The following SEPTIN7 variants were observed in gnomAD, a reference collection of about 807,000 sequenced individuals.
The protein encoded by SEPTIN7 is septin-7.
SEPTIN7 carries 10 observed loss-of-function variants against 63.3 expected under a neutral mutation model. The observed-to-expected ratio is 0.16, with a 90% CI of 0.10 to 0.27. The LOEUF is 0.27. Ranked by LOEUF, SEPTIN7 falls within the 10% of genes least tolerant of loss-of-function variation. The probability of loss-of-function intolerance (pLI) is 1.00; values close to 1 mark genes in which losing one functional copy is unlikely to be tolerated. For synonymous variants in SEPTIN7, 131 were observed against 165.3 expected, an observed-to-expected ratio of 0.79 and a Z score of 1.59; for missense variants, 310 against 521.0, an observed-to-expected ratio of 0.59 and a Z score of 3.94.
chr7:35,893,818 TA>T (rs1406350227), intron 11 of SEPTIN7, among the ~76,000 whole-genome samples: 2 of 152,184 alleles, frequency 1.3e-5, no homozygotes, highest in African/African-American at 4.8e-5. Context: ...TTGTGTGGTT[TA>T]AATCTGAAGA....
intron 3 of SEPTIN7, among the ~76,000 whole-genome samples, chr7:35,855,501 C>G (rs191827913): frequency 2.8e-4 from 42 of 152,154 alleles, no homozygotes; most frequent in African/African-American, 9.6e-4. Flanking sequence ...CAAGAACCAC[C>G]CCTGATGGTT....
intron 12 of SEPTIN7, 90 bp from the exon 13 acceptor site, chr7:35,902,986 T>C: frequency 7.0e-7 from 1 of 1,436,906 alleles, no homozygotes; most frequent in Non-Finnish European, 9.2e-7. Flanking sequence ...ATAGTGCTCA[T>C]ACTCCTTATC....
At position 35,890,804 on chromosome 7, in the gene SEPTIN7, A is replaced by AT. The variant is rs1787589077; in HGVS notation, c.998+18dup. On this transcript the variant is annotated intron_variant, in intron 11 of 13. Coordinates refer to ENST00000350320, the MANE Select transcript of SEPTIN7 (RefSeq NM_001788.6). ...AGGGCAGCTGACTAAGTAAGTATATATTTTTTTCTCCAAAAAGGTATTATT... is the reference window on the plus strand; with the variant it reads ...AGGGCAGCTGACTAAGTAAGTATATATTTTTTTTCTCCAAAAAGGTATTATT... 5 of 1,519,612 alleles carry AT rather than the reference A, an allele frequency of 3.3e-6. No homozygotes were observed. The highest frequency in any genetic ancestry group is 2.6e-5 in the South Asian group (2 of 77,740). The allele number at this position is 1,519,612 out of a possible 1,614,324, so 94.1% of individuals were successfully genotyped here.
intron 1 of SEPTIN7, among the ~76,000 whole-genome samples, chr7:35,824,556 C>T (rs1399954544): frequency 6.6e-6 from 1 of 152,178 alleles, no homozygotes; most frequent in Non-Finnish European, 1.5e-5. Flanking sequence ...ACATTGTCTT[C>T]CCAAAGTCCA....
intron 1 of SEPTIN7, among the ~76,000 whole-genome samples, chr7:35,813,422 T>C (rs563189220): frequency 6.6e-6 from 1 of 152,138 alleles, no homozygotes; most frequent in African/African-American, 2.4e-5. Flanking sequence ...TGGCATGATC[T>C]CAGCTCACTG....
chr7:35,831,863 C>T, intron 2 of SEPTIN7: 1 of 288,956 alleles, frequency 3.5e-6, no homozygotes, highest in Non-Finnish European at 6.7e-6. Context: ...GTTTTGATCC[C>T]ATGATTGCTT....
At chr7:35,822,631 C>T (rs928998306) in intron 1 of SEPTIN7, among the ~76,000 whole-genome samples, 1 of 152,144 alleles carries the variant, frequency 6.6e-6, no homozygotes, top group African/African-American at 2.4e-5. Flanking sequence ...TCCTCTTGTG[C>T]GGCCCAGTTC....
At chr7:35,813,567 G>T (rs1401062357) in intron 1 of SEPTIN7, among the ~76,000 whole-genome samples, 2 of 152,114 alleles carry the variant, frequency 1.3e-5, no homozygotes, top group Admixed American at 6.5e-5. Context: ...TAGGCATGGG[G>T]TTTTGCCATG....
intron 1 of SEPTIN7, among the ~76,000 whole-genome samples, chr7:35,828,636 C>G (rs1783643804): frequency 6.6e-6 from 1 of 152,220 alleles, no homozygotes; most frequent in Non-Finnish European, 1.5e-5. Flanking sequence ...CTTGGTCTCC[C>G]AAAGTGCTAG....
At chr7:35,839,523 TTTATG>T (rs59165377) in intron 3 of SEPTIN7, among the ~76,000 whole-genome samples, 4,521 of 148,286 alleles carry the variant, frequency 0.03, 80 homozygotes, top group South Asian at 0.046. Flanking sequence ...ATTTTTGTAA[TTTATG>T]TTATGTTATG....
chr7:35,856,126 AT>A (rs1396062897), intron 3 of SEPTIN7, among the ~76,000 whole-genome samples: 1 of 152,220 alleles, frequency 6.6e-6, no homozygotes, highest in African/African-American at 2.4e-5. Flanking sequence ...ATATTACCTA[AT>A]TTAGTCCTCA....
intron 8 of SEPTIN7, 58 bp downstream of exon 8, chr7:35,882,634 G>T: frequency 2.4e-6 from 3 of 1,263,436 alleles, no homozygotes; most frequent in Non-Finnish European, 3.0e-6. Context: ...ACATACTACA[G>T]CGTCCACAGG....
intron 10 of SEPTIN7, among the ~76,000 whole-genome samples, chr7:35,888,310 G>A (rs1417983944): frequency 6.6e-6 from 1 of 152,126 alleles, no homozygotes; most frequent in Non-Finnish European, 1.5e-5. Flanking sequence ...GAAAAAATCA[G>A]AATTATGTAG....
intron 1 of SEPTIN7, among the ~76,000 whole-genome samples, chr7:35,827,731 C>G (rs1446354711): frequency 6.6e-6 from 1 of 152,122 alleles, no homozygotes; most frequent in Non-Finnish European, 1.5e-5. Flanking sequence ...CTTCAAGAGA[C>G]CTGCCTGCCT....
intron 9 of SEPTIN7, among the ~76,000 whole-genome samples, chr7:35,884,382 C>G (rs111679644): frequency 2.6e-5 from 4 of 152,092 alleles, no homozygotes; most frequent in African/African-American, 9.7e-5. Flanking sequence ...ACAGATATTC[C>G]AAAATTCCAA....
intron 3 of SEPTIN7, among the ~76,000 whole-genome samples, chr7:35,833,135 G>C (rs543125280): frequency 6.6e-6 from 1 of 152,078 alleles, no homozygotes; most frequent in African/African-American, 2.4e-5. Flanking sequence ...TGATAGTGTT[G>C]GAGTGGAACT....
chr7:35,846,075 A>G lies in SEPTIN7; in HGVS notation c.169+13175A>G, dbSNP rs184886047. Among the ~76,000 whole-genome samples, 87 of 152,284 alleles carry G rather than the reference A, an allele frequency of 5.7e-4. 1 individual carries two copies. The highest frequency in any genetic ancestry group is 1.9e-3 in the African/African-American group (79 of 41,554). ...ATTAGAAAAGTAATATGAAGGAAGT[A>G]TATGGCATTTTAAGAGAGAGGACAT... On this transcript the variant is annotated intron_variant, in intron 3 of 13. Transcript: ENST00000350320.
intron 3 of SEPTIN7, among the ~76,000 whole-genome samples, chr7:35,841,246 GT>G (rs1195729335): frequency 6.6e-6 from 1 of 151,938 alleles, no homozygotes; most frequent in Non-Finnish European, 1.5e-5. Context: ...AAAAAATGTG[GT>G]TCTGTAACAA....
At chr7:35,854,983 ACTAAATT>A (rs1309484049) in intron 3 of SEPTIN7, among the ~76,000 whole-genome samples, 1 of 152,102 alleles carries the variant, frequency 6.6e-6, no homozygotes, top group African/African-American at 2.4e-5. Context: ...TTTTTTAAAA[ACTAAATT>A]CTAAAGATAT....
Sources: allele counts gnomAD v4.1 joint callset (sites outside exome capture counted in the v4.1 genomes callset), GRCh38; gene constraint gnomAD v4.1.1; transcripts MANE v1.5; gene names NCBI Gene and HGNC (gene_info 2026-07-23, HGNC 2026-07-21).